The following FYN variants were observed in gnomAD, a reference collection of about 807,000 sequenced individuals.
FYN encodes the protein FYN proto-oncogene, Src family tyrosine kinase, also known as tyrosine-protein kinase Fyn.
In FYN, 10 loss-of-function variants were observed where a neutral mutation model predicts 70.2. That is an observed-to-expected ratio of 0.14 (90% CI 0.09 to 0.24). The LOEUF (loss-of-function observed/expected upper bound fraction) is 0.24. FYN is among the 10% of genes least tolerant of loss of function. The pLI, the probability that FYN is intolerant of heterozygous loss-of-function variation, is 1.00. For synonymous variants in FYN, 236 were observed against 248.6 expected, an observed-to-expected ratio of 0.95 and a Z score of 0.48; for missense variants, 319 against 673.1, an observed-to-expected ratio of 0.47 and a Z score of 5.82.
At chr6:111,786,082 T>C (rs1287117732) in intron 2 of FYN, among the ~76,000 whole-genome samples, 1 of 152,028 alleles carries the variant, frequency 6.6e-6, no homozygotes, top group Admixed American at 6.6e-5. Context: ...TATTATACTT[T>C]AAGTTCTAGG....
intron 3 of FYN, among the ~76,000 whole-genome samples, chr6:111,741,978 T>G (rs1801997356): frequency 6.6e-6 from 1 of 152,202 alleles, no homozygotes; most frequent in Admixed American, 6.5e-5. Context: ...AGAAATGTCT[T>G]GCTCTTTCTG....
intron 3 of FYN, among the ~76,000 whole-genome samples, chr6:111,741,463 C>T (rs1450057265): frequency 6.6e-6 from 1 of 152,198 alleles, no homozygotes; most frequent in African/African-American, 2.4e-5. Flanking sequence ...AAAAGAATAT[C>T]TCAGGATGTT....
At chr6:111,793,040 TA>T (rs200663473) in intron 2 of FYN, among the ~76,000 whole-genome samples, 4 of 151,532 alleles carry the variant, frequency 2.6e-5, no homozygotes, top group Admixed American at 2.0e-4. Context: ...ACATTTCAAT[TA>T]AAAAAAAATC....
chr6:111,735,174 A>G (rs1801654516), intron 3 of FYN, among the ~76,000 whole-genome samples: 1 of 152,204 alleles, frequency 6.6e-6, no homozygotes, highest in Non-Finnish European at 1.5e-5. Context: ...ATTTATGGCC[A>G]TATTTATGGA....
chr6:111,718,725 T>C (rs1159744139), intron 4 of FYN, among the ~76,000 whole-genome samples: 1 of 152,148 alleles, frequency 6.6e-6, no homozygotes, highest in Non-Finnish European at 1.5e-5. Context: ...TGGGTAAAGG[T>C]ACTTAGCACG....
chr6:111,736,720 G>C (rs780183118), intron 3 of FYN, among the ~76,000 whole-genome samples: 2 of 152,136 alleles, frequency 1.3e-5, no homozygotes, highest in East Asian at 1.9e-4. Context: ...TGTACAACCA[G>C]CCTACACATT....
chr6:111,731,640 C>A (rs972301908), intron 3 of FYN, among the ~76,000 whole-genome samples: 1 of 152,204 alleles, frequency 6.6e-6, no homozygotes, highest in African/African-American at 2.4e-5. Flanking sequence ...AAGCTTCTTG[C>A]AGCTGTTTTG....
intron 2 of FYN, among the ~76,000 whole-genome samples, chr6:111,827,840 G>A (rs1254950777): frequency 1.3e-5 from 2 of 152,104 alleles, no homozygotes; most frequent in African/African-American, 2.4e-5. Context: ...CTTCTTGGGG[G>A]AGATGGGGGA....
intron 2 of FYN, among the ~76,000 whole-genome samples, chr6:111,800,794 TCTC>T (rs1771958879): frequency 6.6e-6 from 1 of 152,162 alleles, no homozygotes; most frequent in African/African-American, 2.4e-5. Flanking sequence ...TCTCCAGTTC[TCTC>T]CTCAACTCTT....
chr6:111,823,410 T>G (rs1772734491), intron 2 of FYN, among the ~76,000 whole-genome samples: 1 of 152,174 alleles, frequency 6.6e-6, no homozygotes, highest in South Asian at 2.1e-4. Context: ...GCTCAAATTT[T>G]TAGAAAACAC....
chr6:111,732,141 T>C (rs951859376), intron 3 of FYN, among the ~76,000 whole-genome samples: 1 of 152,200 alleles, frequency 6.6e-6, no homozygotes, highest in East Asian at 1.9e-4. Flanking sequence ...GGAAACCCAG[T>C]CAGATTTTTC....
At chr6:111,763,515 C>T (rs1441319248) in intron 3 of FYN, among the ~76,000 whole-genome samples, 1 of 152,088 alleles carries the variant, frequency 6.6e-6, no homozygotes, top group East Asian at 1.9e-4. Context: ...TTGTCTTGTC[C>T]ACTGCTTGAG....
chr6:111,701,496 G>T (rs1225389238), intron 8 of FYN, among the ~76,000 whole-genome samples: 1 of 152,110 alleles, frequency 6.6e-6, no homozygotes, highest in Non-Finnish European at 1.5e-5. Flanking sequence ...GCATTTTATT[G>T]TGTGAGAGAG....
intron 3 of FYN, among the ~76,000 whole-genome samples, chr6:111,730,805 T>C (rs992759997): frequency 1.3e-5 from 2 of 152,174 alleles, no homozygotes; most frequent in African/African-American, 2.4e-5. Context: ...AGTATCTTCC[T>C]ACCCTCCTTA....
At chr6:111,724,962 C>T (rs1050630295) in intron 3 of FYN, among the ~76,000 whole-genome samples, 1 of 152,178 alleles carries the variant, frequency 6.6e-6, no homozygotes, top group African/African-American at 2.4e-5. Flanking sequence ...TAAAGCTGAA[C>T]TGCAGATCAA....
At chr6:111,836,906 A>T (rs907276894) in intron 2 of FYN, among the ~76,000 whole-genome samples, 6 of 152,252 alleles carry the variant, frequency 3.9e-5, no homozygotes, top group African/African-American at 1.4e-4. Flanking sequence ...AAGCCTAATT[A>T]TATTTTCTTG....
chr6:111,812,652 G>A (rs372171433), intron 2 of FYN, among the ~76,000 whole-genome samples: 1 of 143,532 alleles, frequency 7.0e-6, no homozygotes, highest in African/African-American at 2.6e-5. Context: ...GGTTGGACAG[G>A]AGGAGGCTAT....
At chr6:111,839,109 C>T (rs899773311) in intron 2 of FYN, among the ~76,000 whole-genome samples, 109 of 152,286 alleles carry the variant, frequency 7.2e-4, no homozygotes, top group African/African-American at 2.5e-3. Context: ...TCTGGCTCTA[C>T]GACATGCCCA....
At chr6:111,764,921 A>T (rs1803167412) in intron 3 of FYN, among the ~76,000 whole-genome samples, 1 of 151,584 alleles carries the variant, frequency 6.6e-6, no homozygotes, top group Admixed American at 6.6e-5. Flanking sequence ...TGGCAGCTGG[A>T]GGCAGGAGGG....
Sources: gnomAD v4.1 joint callset for allele counts (sites outside exome capture counted in the v4.1 genomes callset) on GRCh38, gnomAD v4.1.1 for gene constraint, MANE v1.5 for transcripts, NCBI Gene and HGNC (gene_info 2026-07-23, HGNC 2026-07-21) for gene names.